GRM1: variants seen among roughly 807,000 people sequenced by gnomAD.
GRM1 encodes glutamate metabotropic receptor 1, also known as metabotropic glutamate receptor 1.
In GRM1, 33 loss-of-function variants were observed where a neutral mutation model predicts 90.9. The ratio of observed to expected loss-of-function variants is 0.36; its 90% CI spans 0.28 to 0.49. The LOEUF (loss-of-function observed/expected upper bound fraction) is 0.49, where lower values mean the gene tolerates loss of function less well. Ranked by LOEUF, GRM1 falls within the 20% of genes least tolerant of loss-of-function variation. The pLI is 0.99. For missense variants in GRM1, 1,190 were observed against 1,534.3 expected, an observed-to-expected ratio of 0.78 and a Z score of 3.75; for synonymous variants, 700 against 613.2, an observed-to-expected ratio of 1.14 and a Z score of -2.09.
intron 3 of GRM1, among the ~76,000 whole-genome samples, chr6:146,317,314 C>T (rs1445107428): frequency 6.6e-6 from 1 of 152,176 alleles, no homozygotes; most frequent in Non-Finnish European, 1.5e-5. Context: ...TTTTCTACTT[C>T]CTTGCCTAAA....
At chr6:146,237,730 A>G (rs765018536) in intron 2 of GRM1, among the ~76,000 whole-genome samples, 16 of 152,130 alleles carry the variant, frequency 1.1e-4, no homozygotes, top group Non-Finnish European at 2.2e-4. Flanking sequence ...TTGGTGAACA[A>G]GCACAGTAAG....
chr6:146,079,118 C>T (rs1438033096), intron 1 of GRM1, among the ~76,000 whole-genome samples: 1 of 152,186 alleles, frequency 6.6e-6, no homozygotes, highest in Non-Finnish European at 1.5e-5. Context: ...ACCCTGTCTT[C>T]CCAGTGCACA....
At chr6:146,236,258 T>G (rs1240723248) in intron 2 of GRM1, among the ~76,000 whole-genome samples, 3 of 152,184 alleles carry the variant, frequency 2.0e-5, no homozygotes, top group African/African-American at 7.2e-5. Flanking sequence ...CTACTCACAT[T>G]TCAAGTACTG....
chr6:146,263,102 C>G (rs928562588), intron 2 of GRM1, among the ~76,000 whole-genome samples: 10 of 151,876 alleles, frequency 6.6e-5, no homozygotes, highest in African/African-American at 2.4e-4. Flanking sequence ...CTCAGTATTT[C>G]CCCTTCTTGA....
At chr6:146,086,698 A>G (rs1347383634) in intron 1 of GRM1, among the ~76,000 whole-genome samples, 1 of 152,014 alleles carries the variant, frequency 6.6e-6, no homozygotes, top group Non-Finnish European at 1.5e-5. Flanking sequence ...CCCAGTACCA[A>G]CAATTGACCC....
Position 146,434,434 on chromosome 6 carries a change from C to T in GRM1, c.3223C>T (p.Leu1075=), listed in dbSNP as rs1236327108. The T allele has an allele frequency of 6.2e-7, 1 of 1,613,904 alleles. No homozygotes were observed. Among genetic ancestry groups the T allele is most frequent in the East Asian group, 2.2e-5 (1 of 44,862 alleles). ...LYPPPPPPQH[L]QMLPLQLSTF... is the part of the protein sequence containing the mutation. ...CCCGCCCCCGCCACCTCCGCAGCAC[C>T]TGCAGATGCTGCCGCTGCAGCTGAG... The change falls in exon 8 of 8, where the codon CTG becomes TTG. Residue 1075 remains leucine, a synonymous_variant. Transcript: ENST00000282753.
At chr6:146,068,670 C>T (rs1178171371) in intron 1 of GRM1, among the ~76,000 whole-genome samples, 3 of 152,082 alleles carry the variant, frequency 2.0e-5, no homozygotes, top group Non-Finnish European at 1.5e-5. Flanking sequence ...TATGGTACAG[C>T]CCATCCAGTT....
At chr6:146,071,125 T>C (rs150426153) in intron 1 of GRM1, among the ~76,000 whole-genome samples, 33 of 152,290 alleles carry the variant, frequency 2.2e-4, no homozygotes, top group African/African-American at 7.0e-4. Context: ...AAGTTTATTA[T>C]TACATTGACA....
intron 1 of GRM1, among the ~76,000 whole-genome samples, chr6:146,092,916 A>G (rs1489984699): frequency 6.6e-6 from 1 of 152,176 alleles, no homozygotes; most frequent in Non-Finnish European, 1.5e-5. Flanking sequence ...GAGTAGAAAT[A>G]GAGTATGAAA....
At chr6:146,386,507 T>C (rs1776510276) in intron 5 of GRM1, among the ~76,000 whole-genome samples, 1 of 152,124 alleles carries the variant, frequency 6.6e-6, no homozygotes, top group Non-Finnish European at 1.5e-5. Context: ...TACAGACTTT[T>C]TTAGTAAAAC....
At chr6:146,268,163 T>G (rs1277116385) in intron 2 of GRM1, among the ~76,000 whole-genome samples, 4 of 152,218 alleles carry the variant, frequency 2.6e-5, no homozygotes, top group East Asian at 1.9e-4. Flanking sequence ...ATGTTTTCAC[T>G]TATCTCAAGA....
At chr6:146,305,000 G>C (rs1329701823) in intron 3 of GRM1, among the ~76,000 whole-genome samples, 154 bp downstream of exon 3, 2 of 151,382 alleles carry the variant, frequency 1.3e-5, no homozygotes, top group Non-Finnish European at 2.9e-5. Context: ...AGGAGGAATT[G>C]TGTATTACCC....
At chr6:146,349,685 A>G (rs966689311) in intron 3 of GRM1, among the ~76,000 whole-genome samples, 15 of 152,140 alleles carry the variant, frequency 9.9e-5, no homozygotes, top group Admixed American at 7.9e-4. Context: ...GACATCAGGT[A>G]TTCTTGTATG....
upstream of GRM1, among the ~76,000 whole-genome samples, chr6:146,028,599 C>T (rs1393832896): frequency 6.6e-6 from 1 of 152,034 alleles, no homozygotes; most frequent in East Asian, 1.9e-4. Flanking sequence ...TGACTTCTTA[C>T]GGGGGAAACA....
chr6:146,080,559 G>C (rs1390864146), intron 1 of GRM1, among the ~76,000 whole-genome samples: 1 of 152,140 alleles, frequency 6.6e-6, no homozygotes, highest in African/African-American at 2.4e-5. Flanking sequence ...AAGATGTTGA[G>C]GGTTCCTAAG....
At chr6:146,119,694 G>A (rs1055922058) in intron 1 of GRM1, among the ~76,000 whole-genome samples, 1 of 152,170 alleles carries the variant, frequency 6.6e-6, no homozygotes, top group African/African-American at 2.4e-5. Flanking sequence ...TTATTAAATA[G>A]GGAATCCTTT....
intron 2 of GRM1, among the ~76,000 whole-genome samples, chr6:146,257,798 A>G (rs1781541836): frequency 6.6e-6 from 1 of 151,768 alleles, no homozygotes; most frequent in Non-Finnish European, 1.5e-5. Context: ...GCCTACCCAC[A>G]TTGGGGAGCA....
intron 1 of GRM1, among the ~76,000 whole-genome samples, chr6:146,128,874 C>T (rs1776290968): frequency 6.6e-6 from 1 of 152,022 alleles, no homozygotes; most frequent in Non-Finnish European, 1.5e-5. Flanking sequence ...ACAGACCATC[C>T]CTTGCATTTT....
At position 146,241,174 on chromosome 6, in the gene GRM1, A is replaced by G. The variant is rs1287567889; in HGVS notation, c.951-63437A>G. Among the ~76,000 whole-genome samples the G allele has an allele frequency of 2.6e-5, 4 of 152,268 alleles. No individual in the cohort carries two copies. In the East Asian group the frequency reaches 7.7e-4, roughly 29 times the overall value. ...ATTACACGATTGAGATTTTTGAGGGAAATGAGGATCATTCTTATGGAGGAA... is the reference window on the plus strand; with the variant it reads ...ATTACACGATTGAGATTTTTGAGGGGAATGAGGATCATTCTTATGGAGGAA... On this transcript the variant is annotated intron_variant, in intron 2 of 7. Coordinates refer to ENST00000282753, the MANE Select transcript of GRM1 (RefSeq NM_001278064.2).
Sources: gnomAD v4.1 joint callset for allele counts (sites outside exome capture counted in the v4.1 genomes callset) on GRCh38, gnomAD v4.1.1 for gene constraint, MANE v1.5 for transcripts, NCBI Gene and HGNC (gene_info 2026-07-23, HGNC 2026-07-21) for gene names.